Variants in UNC5D observed in about 807,000 individuals in gnomAD.
The protein encoded by UNC5D is netrin receptor UNC5D.
In UNC5D, 39 loss-of-function variants were observed where a neutral mutation model predicts 105.4. That is an observed-to-expected ratio of 0.37 (90% CI 0.29 to 0.48). The LOEUF (loss-of-function observed/expected upper bound fraction) is 0.48. Among genes scored for constraint, UNC5D ranks in the 20% least tolerant of loss-of-function variants. The probability of loss-of-function intolerance (pLI) is 0.98; values close to 1 mark genes in which losing one functional copy is unlikely to be tolerated. For missense variants in UNC5D, 991 were observed against 1,202.4 expected (o/e 0.82, Z 2.60); for synonymous variants, 452 against 450.4 (o/e 1.00, Z -0.04).
At chr8:35,759,712 C>T (rs535546099) in intron 14 of UNC5D, among the ~76,000 whole-genome samples, 1 of 152,322 alleles carries the variant, frequency 6.6e-6, no homozygotes, top group Non-Finnish European at 1.5e-5. Flanking sequence ...GGCATTTCTC[C>T]TCTCCTGTTG....
chr8:35,507,305 T>C (rs1380868850), intron 1 of UNC5D, among the ~76,000 whole-genome samples: 1 of 152,082 alleles, frequency 6.6e-6, no homozygotes, highest in Non-Finnish European at 1.5e-5. Context: ...TCCGCCCGCC[T>C]CGGCCTCCCA....
At chr8:35,487,566 T>TACACACACACACACACACAC (rs3048025) in intron 1 of UNC5D, among the ~76,000 whole-genome samples, 32 of 112,984 alleles carry the variant, frequency 2.8e-4, no homozygotes, top group African/African-American at 1.2e-3. Flanking sequence ...TCTCTCTCTG[T>TACACACACACACACACACAC]ACACACACAC....
At chr8:35,624,998 A>T (rs1014427980) in intron 4 of UNC5D, among the ~76,000 whole-genome samples, 1 of 152,110 alleles carries the variant, frequency 6.6e-6, no homozygotes, top group African/African-American at 2.4e-5. Context: ...TTGAACATGC[A>T]TATGTGTGTG....
chr8:35,665,901 A>C (rs959951672), intron 4 of UNC5D, among the ~76,000 whole-genome samples: 1 of 152,012 alleles, frequency 6.6e-6, no homozygotes, highest in Admixed American at 6.6e-5. Context: ...ATGTTCATAT[A>C]TACATTTATT....
At chr8:35,248,743 T>G (rs1454138792) in intron 1 of UNC5D, among the ~76,000 whole-genome samples, 2 of 96,036 alleles carry the variant, frequency 2.1e-5, no homozygotes, top group East Asian at 6.7e-4. Context: ...ATAATATATA[T>G]AAAATATATA....
rs76628425 is a variant in UNC5D at position 35,694,454 on chromosome 8, T to C, written c.1084+7745T>C. Among the ~76,000 whole-genome samples, 453 of 152,308 alleles carry C rather than the reference T, an allele frequency of 3.0e-3. 1 individual carries two copies. The highest frequency in any genetic ancestry group is 0.01 in the African/African-American group (424 of 41,554). ...GAATATCCATCCTTTAAATGAAGGA[T>C]AGGTTGAAGCCTCAGGGCTCTGCAG... is the stretch of plus-strand genomic sequence containing the variant. On this transcript the variant is annotated intron_variant, in intron 7 of 16. Transcript: ENST00000404895.
chr8:35,721,171 C>T (rs569738786), intron 8 of UNC5D, among the ~76,000 whole-genome samples: 15 of 152,168 alleles, frequency 9.9e-5, no homozygotes, highest in Admixed American at 5.2e-4. Context: ...GTGTACTTAC[C>T]ACATAATCTG....
At chr8:35,566,035 A>G (rs1177188483) in intron 2 of UNC5D, among the ~76,000 whole-genome samples, 1 of 152,170 alleles carries the variant, frequency 6.6e-6, no homozygotes, top group East Asian at 1.9e-4. Flanking sequence ...ATCATCTGTA[A>G]GGCTTCTTTT....
chr8:35,528,130 T>C (rs1330046718), intron 1 of UNC5D, among the ~76,000 whole-genome samples: 1 of 149,884 alleles, frequency 6.7e-6, no homozygotes, highest in Non-Finnish European at 1.5e-5. Flanking sequence ...TGTGCCATGC[T>C]GGTGTGCTGC....
chr8:35,781,901 T>C (rs1389329356), intron 16 of UNC5D, among the ~76,000 whole-genome samples: 1 of 152,118 alleles, frequency 6.6e-6, no homozygotes, highest in Non-Finnish European at 1.5e-5. Context: ...GATAATGAAA[T>C]AGGTAAAAGG....
chr8:35,304,687 G>C (rs1808210744), intron 1 of UNC5D, among the ~76,000 whole-genome samples: 1 of 152,066 alleles, frequency 6.6e-6, no homozygotes, highest in Non-Finnish European at 1.5e-5. Context: ...CCAGTGTTAT[G>C]TTTTTCTCTT....
At chr8:35,379,533 T>C (rs977022547) in intron 1 of UNC5D, among the ~76,000 whole-genome samples, 1 of 152,166 alleles carries the variant, frequency 6.6e-6, no homozygotes, top group Admixed American at 6.5e-5. Flanking sequence ...GTGACTCTTT[T>C]CTAGAACAAC....
intron 1 of UNC5D, among the ~76,000 whole-genome samples, chr8:35,325,360 T>G (rs1314838898): frequency 6.6e-6 from 1 of 152,176 alleles, no homozygotes; most frequent in East Asian, 1.9e-4. Flanking sequence ...CAGTAAAAAC[T>G]TAAGCTCATC....
chr8:35,681,246 ATT>A (rs560624984), intron 4 of UNC5D, among the ~76,000 whole-genome samples: 213 of 152,242 alleles, frequency 1.4e-3, no homozygotes, highest in African/African-American at 5.0e-3. Flanking sequence ...AGACTGGGTA[ATT>A]TTCAAGGGAG....
intron 4 of UNC5D, among the ~76,000 whole-genome samples, chr8:35,602,184 G>A (rs1200824852): frequency 6.6e-6 from 1 of 152,132 alleles, no homozygotes; most frequent in African/African-American, 2.4e-5. Context: ...TTGATGTGTT[G>A]CTGAGTTTGG....
intron 1 of UNC5D, among the ~76,000 whole-genome samples, chr8:35,270,045 G>A (rs1563265855): frequency 6.6e-6 from 1 of 152,158 alleles, no homozygotes; most frequent in Non-Finnish European, 1.5e-5. Flanking sequence ...CCTTTTGAAT[G>A]TATCTCTTGT....
At chr8:35,547,813 G>T (rs922945192) in intron 1 of UNC5D, among the ~76,000 whole-genome samples, 1 of 152,092 alleles carries the variant, frequency 6.6e-6, no homozygotes, top group African/African-American at 2.4e-5. Flanking sequence ...GTTCTCTAGA[G>T]GGACAGAACT....
chr8:35,502,725 AT>A (rs34200119), intron 1 of UNC5D, among the ~76,000 whole-genome samples: 194 of 144,682 alleles, frequency 1.3e-3, no homozygotes, highest in Admixed American at 1.2e-3. Context: ...TGCCCGGCTA[AT>A]TTTTTTTTTT....
intron 1 of UNC5D, among the ~76,000 whole-genome samples, chr8:35,459,739 T>C (rs1321725773): frequency 2.0e-5 from 3 of 152,232 alleles, no homozygotes; most frequent in Non-Finnish European, 2.9e-5. Context: ...TCAACTTGTA[T>C]TGTCAAATGG....
Sources: gnomAD v4.1 joint callset for allele counts (sites outside exome capture counted in the v4.1 genomes callset) on GRCh38, gnomAD v4.1.1 for gene constraint, MANE v1.5 for transcripts, NCBI Gene and HGNC (gene_info 2026-07-23, HGNC 2026-07-21) for gene names.